IQGAP2: variants seen among roughly 807,000 people sequenced by gnomAD.
IQGAP2 encodes the protein IQ motif containing GTPase activating protein 2, also known as ras GTPase-activating-like protein IQGAP2.
Under a neutral mutation model 201.3 loss-of-function variants are expected in IQGAP2, and 173 were observed. The ratio of observed to expected loss-of-function variants is 0.86; its 90% CI spans 0.76 to 0.98. IQGAP2 has a LOEUF of 0.98. Ranked by LOEUF, IQGAP2 falls within the 50% of genes least tolerant of loss-of-function variation. The pLI, the probability that IQGAP2 is intolerant of heterozygous loss-of-function variation, is 0.00. For synonymous variants in IQGAP2, 675 were observed against 673.9 expected (o/e 1.00, Z -0.03); for missense variants, 1,687 against 1,864.8 (o/e 0.90, Z 1.76).
In IQGAP2 at chr5:76,683,755, C is replaced by T. The variant is rs749192574; in HGVS notation, c.3764-21C>T. On this transcript the variant is annotated intron_variant, in intron 29 of 35. Coordinates refer to ENST00000274364, the MANE Select transcript of IQGAP2 (RefSeq NM_006633.5). ...CACAAAGAGTGAATTGGAAAAATAA[C>T]ACTAGGTTTTTTCCCTACAGGGGAA... The T allele has an allele frequency of 3.1e-6, 5 of 1,597,084 alleles. No homozygotes were observed. The Admixed American group carries it at 5.2e-5, about 16-fold the overall frequency.
chr5:76,494,102 T>A (rs1302817526), intron 2 of IQGAP2, among the ~76,000 whole-genome samples: 1 of 152,208 alleles, frequency 6.6e-6, no homozygotes, highest in Admixed American at 6.5e-5. Flanking sequence ...GTATTTTTTT[T>A]ATTGTTGTCT....
At chr5:76,688,450 CAGATGA>C (rs757831465) in intron 30 of IQGAP2, among the ~76,000 whole-genome samples, 2 of 152,164 alleles carry the variant, frequency 1.3e-5, no homozygotes, top group Non-Finnish European at 2.9e-5. Flanking sequence ...TCTTACTCAT[CAGATGA>C]AGATGAAGAT....
intron 10 of IQGAP2, among the ~76,000 whole-genome samples, chr5:76,598,752 C>T (rs1747213990): frequency 6.6e-6 from 1 of 152,060 alleles, no homozygotes; most frequent in Non-Finnish European, 1.5e-5. Context: ...TGTTTCACAG[C>T]ATTGTTTAGA....
In IQGAP2 at chr5:76,671,869, T is replaced by G; in HGVS notation, c.2954T>G (p.Leu985Arg). 6.2e-7 allele frequency: 1 copy of G among 1,614,060 alleles called. No individual in the cohort carries two copies. Among genetic ancestry groups the G allele is most frequent in the Non-Finnish European group, 8.5e-7 (1 of 1,179,994 alleles). The stretch of plus-strand genomic sequence containing the variant: ...GGACAGAACACCCTGCGCCAACTCC[T>G]GGCTCCAGTGGTAAAAGAGATCATC... ...ARGQNTLRQL[L>R]APVVKEIIDD... Residue 985 changes from leucine to arginine, a missense_variant, in exon 24 of 36, where the codon CTG (leucine) becomes CGG (arginine). Transcript: ENST00000274364.
intron 13 of IQGAP2, chr5:76,617,496 A>C: frequency 1.0e-5 from 10 of 968,830 alleles, no homozygotes; most frequent in Non-Finnish European, 1.5e-5. Flanking sequence ...GGAGCTCGGA[A>C]ATGGAGCTCC....
chr5:76,562,629 C>T (rs990588782), intron 3 of IQGAP2, 77 bp downstream of exon 3: 1 of 1,304,860 alleles, frequency 7.7e-7, no homozygotes, highest in Non-Finnish European at 1.1e-6. Context: ...CCTTCTTTTA[C>T]TCTTAGTGTT....
At chr5:76,454,780 T>C (rs1208612032) in intron 1 of IQGAP2, among the ~76,000 whole-genome samples, 1 of 152,084 alleles carries the variant, frequency 6.6e-6, no homozygotes, top group Non-Finnish European at 1.5e-5. Context: ...TATAGCAGCA[T>C]GATTTATAAT....
chr5:76,672,630 A>C (rs1209456419), intron 24 of IQGAP2, among the ~76,000 whole-genome samples: 10 of 152,290 alleles, frequency 6.6e-5, no homozygotes, highest in African/African-American at 2.4e-4. Flanking sequence ...TTCAGGGTAT[A>C]TATTCCAGTT....
chr5:76,488,348 T>A (rs1030551004), intron 2 of IQGAP2, among the ~76,000 whole-genome samples: 2 of 152,232 alleles, frequency 1.3e-5, no homozygotes, highest in African/African-American at 4.8e-5. Context: ...GTCAGATCCT[T>A]CTCTTATAGA....
At chr5:76,481,817 A>G (rs567862971) in intron 2 of IQGAP2, among the ~76,000 whole-genome samples, 5 of 152,232 alleles carry the variant, frequency 3.3e-5, no homozygotes, top group Non-Finnish European at 7.3e-5. Flanking sequence ...TAATACTTAC[A>G]TGGGGCTAGA....
At chr5:76,433,135 TTC>T (rs1473176997) in intron 1 of IQGAP2, among the ~76,000 whole-genome samples, 1 of 152,172 alleles carries the variant, frequency 6.6e-6, no homozygotes, top group Non-Finnish European at 1.5e-5. Flanking sequence ...GCAGATACTT[TTC>T]TCTCACGTTT....
At chr5:76,448,438 C>G (rs548471507) in intron 1 of IQGAP2, among the ~76,000 whole-genome samples, 1 of 152,230 alleles carries the variant, frequency 6.6e-6, no homozygotes, top group African/African-American at 2.4e-5. Context: ...CCTTTGTCTC[C>G]CCTTAGATAA....
intron 5 of IQGAP2, among the ~76,000 whole-genome samples, chr5:76,579,992 T>C (rs1352320296): frequency 2.0e-5 from 3 of 152,134 alleles, no homozygotes; most frequent in Non-Finnish European, 2.9e-5. Flanking sequence ...TAAACAAATA[T>C]AGGCCAGGTG....
At chr5:76,637,848 C>T (rs146345024) in intron 16 of IQGAP2, among the ~76,000 whole-genome samples, 3 of 152,330 alleles carry the variant, frequency 2.0e-5, no homozygotes, top group Admixed American at 1.3e-4. Context: ...AAAAATTAGC[C>T]ATGTGTCCAT....
At chr5:76,477,471 CCAAT>C (rs1580276436) in intron 2 of IQGAP2, among the ~76,000 whole-genome samples, 1 of 152,220 alleles carries the variant, frequency 6.6e-6, no homozygotes, top group East Asian at 1.9e-4. Context: ...TGAAAAATTC[CCAAT>C]CAAAGCATTA....
chr5:76,559,123 T>C (rs890554266), intron 2 of IQGAP2, among the ~76,000 whole-genome samples: 1 of 152,024 alleles, frequency 6.6e-6, no homozygotes, highest in Non-Finnish European at 1.5e-5. Context: ...GGATGATCTC[T>C]ATCTCCTGAC....
At chr5:76,598,795 A>G (rs1271895405) in intron 10 of IQGAP2, among the ~76,000 whole-genome samples, 1 of 152,246 alleles carries the variant, frequency 6.6e-6, no homozygotes, top group African/African-American at 2.4e-5. Context: ...TGTTTAATTA[A>G]TAACAGATTG....
chr5:76,672,352 T>C (rs1744407346), intron 24 of IQGAP2, among the ~76,000 whole-genome samples: 1 of 152,206 alleles, frequency 6.6e-6, no homozygotes, highest in Non-Finnish European at 1.5e-5. Flanking sequence ...CCAGGTTGGA[T>C]TGGCTTATTC....
At chr5:76,411,316 A>G (rs1181675848) in intron 1 of IQGAP2, among the ~76,000 whole-genome samples, 3 of 152,240 alleles carry the variant, frequency 2.0e-5, no homozygotes, top group African/African-American at 7.2e-5. Context: ...TGTAAACCAC[A>G]TGCTAACCAG....
Sources: gnomAD v4.1 joint callset for allele counts (sites outside exome capture counted in the v4.1 genomes callset) on GRCh38, gnomAD v4.1.1 for gene constraint, MANE v1.5 for transcripts, NCBI Gene and HGNC (gene_info 2026-07-23, HGNC 2026-07-21) for gene names.